MICAL2: variants seen among roughly 807,000 people sequenced by gnomAD.
The protein encoded by MICAL2 is [F-actin]-monooxygenase MICAL2.
A neutral mutation model predicts 127.3 loss-of-function variants in MICAL2; 77 were observed. That is an observed-to-expected ratio of 0.60 (90% confidence interval 0.50 to 0.73). The LOEUF (loss-of-function observed/expected upper bound fraction) is 0.73. Ranked by LOEUF, MICAL2 falls within the 30% of genes least tolerant of loss-of-function variation. MICAL2 has a pLI of 0.00. For synonymous variants in MICAL2, 570 were observed against 551.1 expected, an observed-to-expected ratio of 1.03 and a Z score of -0.48; for missense variants, 1,351 against 1,434.4, an observed-to-expected ratio of 0.94 and a Z score of 0.94.
intron 2 of MICAL2, among the ~76,000 whole-genome samples, chr11:12,282,958 G>A (rs1481765418): frequency 1.3e-5 from 2 of 152,184 alleles, no homozygotes; most frequent in African/African-American, 4.8e-5. Flanking sequence ...TAGTTGGGTT[G>A]GGTAGTGAAG....
chr11:12,129,671 C>T (rs1229361728), intron 1 of MICAL2, among the ~76,000 whole-genome samples: 4 of 107,454 alleles, frequency 3.7e-5, no homozygotes, highest in Admixed American at 3.3e-4. Context: ...TCCTCAATTA[C>T]GTGGACAGTT....
At chr11:12,157,683 C>T (rs1004815683) in intron 2 of MICAL2, among the ~76,000 whole-genome samples, 1 of 134,252 alleles carries the variant, frequency 7.4e-6, no homozygotes, top group Non-Finnish European at 1.7e-5. Context: ...GAGCTAGTTA[C>T]CAGGATCCTC....
intron 32 of MICAL2, among the ~76,000 whole-genome samples, chr11:12,348,153 C>CAAAAAA (rs57602704): frequency 0.013 from 1,018 of 79,092 alleles, 33 homozygotes; most frequent in East Asian, 0.059. Flanking sequence ...GACTCTGTCT[C>CAAAAAA]AAAAAAAAAA....
intron 4 of MICAL2, among the ~76,000 whole-genome samples, chr11:12,207,555 C>T (rs1466861151): frequency 6.6e-6 from 1 of 152,210 alleles, no homozygotes; most frequent in Non-Finnish European, 1.5e-5. Flanking sequence ...CACTGGATGT[C>T]TAAGAGCTGA....
intron 3 of MICAL2, among the ~76,000 whole-genome samples, chr11:12,169,183 G>A (rs1855934282): frequency 6.6e-6 from 1 of 151,550 alleles, no homozygotes; most frequent in South Asian, 2.1e-4. Flanking sequence ...TGTTATGGAT[G>A]CATGCACTGC....
At chr11:12,300,566 T>A (rs542652847) in intron 29 of MICAL2, among the ~76,000 whole-genome samples, 26 of 152,052 alleles carry the variant, frequency 1.7e-4, no homozygotes, top group Admixed American at 7.9e-4. Context: ...TGCTGTGGTG[T>A]GGGAGGGCCC....
chr11:12,344,472 C>CTATTAT (rs1555024327), intron 32 of MICAL2, among the ~76,000 whole-genome samples: 2,012 of 141,398 alleles, frequency 0.014, 25 homozygotes, highest in African/African-American at 0.022. Flanking sequence ...ATTCTAGAAA[C>CTATTAT]TATTATTATT....
At chr11:12,347,123 T>C (rs1938968002) in intron 32 of MICAL2, among the ~76,000 whole-genome samples, 1 of 152,076 alleles carries the variant, frequency 6.6e-6, no homozygotes, top group Non-Finnish European at 1.5e-5. Flanking sequence ...GCCTTGTGTT[T>C]CCTCAAGTTG....
chr11:12,167,942 G>T (rs986462413), intron 3 of MICAL2, among the ~76,000 whole-genome samples: 1 of 152,138 alleles, frequency 6.6e-6, no homozygotes, highest in African/African-American at 2.4e-5. Context: ...ATAGGAAGTT[G>T]TTAATCCAGG....
chr11:12,258,702 T>C, intron 25 of MICAL2, 146 bp downstream of exon 25: 1 of 712,806 alleles, frequency 1.4e-6, no homozygotes, highest in East Asian at 2.7e-5. Flanking sequence ...CTTCCTGGTG[T>C]GGAGGGTTCT....
intron 18 of MICAL2, among the ~76,000 whole-genome samples, chr11:12,241,554 C>CA (rs1473573460): frequency 6.6e-6 from 1 of 152,180 alleles, no homozygotes. Context: ...TGGCTGGACC[C>CA]ATTGAAGGGG....
intron 29 of MICAL2, among the ~76,000 whole-genome samples, chr11:12,297,399 GAT>G (rs896062967): frequency 6.6e-6 from 1 of 152,008 alleles, no homozygotes; most frequent in Non-Finnish European, 1.5e-5. Context: ...AGTATGTAGG[GAT>G]TCTTTATCAA....
chr11:12,286,953 A>G (rs903209), intron 2 of MICAL2: 347,602 of 394,306 alleles, frequency 0.88, 154,013 homozygotes, highest in East Asian at 0.93. Flanking sequence ...GGAAGGAGAG[A>G]GTTCAGTCTA....
At chr11:12,167,988 A>G (rs549173592) in intron 3 of MICAL2, among the ~76,000 whole-genome samples, 1 of 152,272 alleles carries the variant, frequency 6.6e-6, no homozygotes, top group South Asian at 2.1e-4. Flanking sequence ...ATTTCTAAAT[A>G]AAGACTTTTT....
At chr11:12,343,967 C>T (rs1484814184) in intron 32 of MICAL2, among the ~76,000 whole-genome samples, 2 of 152,154 alleles carry the variant, frequency 1.3e-5, no homozygotes, top group Non-Finnish European at 2.9e-5. Flanking sequence ...ATTACTCAAT[C>T]AGAACTTGCT....
At position 12,258,499 on chromosome 11, in the gene MICAL2, C is replaced by G; in HGVS notation, c.3174C>G (p.His1058Gln). The change falls in exon 25 of 28, where the codon CAC becomes CAG. Residue 1058 changes from histidine (H) to glutamine (Q), a missense_variant. Physicochemically the swap from His to Gln is conservative, Grantham distance 24. Transcript: ENST00000683283. Reference sequence around the variant, plus strand: ...TTTACTGCAAGCCTCACTTCATTCACTGTAAAACCAATAGCAAACAACGGA... The same window carrying G: ...TTTACTGCAAGCCTCACTTCATTCAGTGTAAAACCAATAGCAAACAACGGA... Reference protein sequence around the residue: ...GKFYCKPHFIHCKTNSKQRKR... With the variant: ...GKFYCKPHFIQCKTNSKQRKR... The G allele has an allele frequency of 6.2e-7, 1 of 1,614,192 alleles. No homozygotes were observed. The highest frequency in any genetic ancestry group is 1.6e-4 in the Middle Eastern group (1 of 6,062).
At chr11:12,177,692 TG>T (rs2133923083) in intron 3 of MICAL2, among the ~76,000 whole-genome samples, 1 of 152,358 alleles carries the variant, frequency 6.6e-6, no homozygotes, top group African/African-American at 2.4e-5. Flanking sequence ...GGTACAGGTA[TG>T]GCACAACTTT....
At chr11:12,180,335 G>GTA (rs1554968135) in intron 3 of MICAL2, among the ~76,000 whole-genome samples, 2,359 of 126,414 alleles carry the variant, frequency 0.019, 73 homozygotes, top group African/African-American at 0.075. Context: ...TTATATACAT[G>GTA]TATATATGTA....
chr11:12,262,694 G>A (rs779425951), intron 27 of MICAL2, 157 bp downstream of exon 27: 17 of 668,780 alleles, frequency 2.5e-5, no homozygotes, highest in South Asian at 7.0e-5. Context: ...ACAGCATGGC[G>A]GGGGGTGTTC....
Sources: allele counts gnomAD v4.1 joint callset (sites outside exome capture counted in the v4.1 genomes callset), GRCh38; gene constraint gnomAD v4.1.1; transcripts MANE v1.5; gene names NCBI Gene and HGNC (gene_info 2026-07-23, HGNC 2026-07-21).